Variants in BCAS3 observed in about 807,000 individuals in gnomAD.
The protein encoded by BCAS3 is BCAS4/BCAS3 fusion.
A neutral mutation model predicts 116.1 loss-of-function variants in BCAS3; 53 were observed. The observed-to-expected ratio is 0.46, with a 90% CI of 0.37 to 0.57. The LOEUF is 0.57. Among genes scored for constraint, BCAS3 ranks in the 20% least tolerant of loss-of-function variants. BCAS3 has a pLI of 0.00. For synonymous variants in BCAS3, 391 were observed against 408.2 expected (o/e 0.96, Z 0.51); for missense variants, 917 against 1,165.4 (o/e 0.79, Z 3.10).
intron 22 of BCAS3, among the ~76,000 whole-genome samples, chr17:61,119,097 G>T (rs1229511118): frequency 6.6e-6 from 1 of 152,156 alleles, no homozygotes; most frequent in Non-Finnish European, 1.5e-5. Flanking sequence ...CTTTGTGCTT[G>T]CAGGCTGTGG....
chr17:61,338,433 T>A (rs191771607), intron 22 of BCAS3, among the ~76,000 whole-genome samples: 152 of 146,104 alleles, frequency 1.0e-3, no homozygotes, highest in Non-Finnish European at 1.8e-3. Context: ...ATTGTGTGGG[T>A]TCTGTGAACT....
chr17:61,358,182 A>G (rs1201991007), intron 22 of BCAS3, among the ~76,000 whole-genome samples: 2 of 152,094 alleles, frequency 1.3e-5, no homozygotes, highest in Non-Finnish European at 2.9e-5. Context: ...CGTGGTTAAC[A>G]TTTTGTCGTG....
chr17:61,153,563 A>G (rs1371649826), intron 22 of BCAS3, among the ~76,000 whole-genome samples: 3 of 152,238 alleles, frequency 2.0e-5, no homozygotes, highest in Admixed American at 6.5e-5. Context: ...TTTGGAATTC[A>G]TAAGAGAAGT....
At chr17:60,929,514 T>C (rs967551299) in intron 13 of BCAS3, among the ~76,000 whole-genome samples, 8 of 152,164 alleles carry the variant, frequency 5.3e-5, no homozygotes, top group African/African-American at 9.6e-5. Context: ...CTTTTATTAA[T>C]TGACGTTTTA....
chr17:60,827,153 A>T (rs2050503936), intron 7 of BCAS3, among the ~76,000 whole-genome samples: 1 of 152,192 alleles, frequency 6.6e-6, no homozygotes, highest in African/African-American at 2.4e-5. Flanking sequence ...TCTTAGGCTC[A>T]CTTTCCTTAT....
chr17:61,064,112 T>A (rs1377293965), intron 19 of BCAS3, among the ~76,000 whole-genome samples: 1 of 152,126 alleles, frequency 6.6e-6, no homozygotes, highest in Admixed American at 6.5e-5. Flanking sequence ...TTTGAGAGGA[T>A]GGTTATAGTC....
At position 61,249,652 on chromosome 17, in the gene BCAS3, C is replaced by A. The variant is rs976335975; in HGVS notation, c.2426-118675C>A. Among the ~76,000 whole-genome samples the A allele has an allele frequency of 1.3e-5, 2 of 152,074 alleles. No homozygotes were observed. The highest frequency in any genetic ancestry group is 4.8e-5 in the African/African-American group (2 of 41,386). On this transcript the variant is annotated intron_variant, in intron 22 of 23. Coordinates refer to ENST00000407086, the MANE Select transcript of BCAS3 (RefSeq NM_017679.5). This position sits in a 1 kb window ranked among gnomAD's most constrained non-coding sequence, Gnocchi z 6.2. ...CCCTTAACTGATCTAAGGGAAAATT[C>A]TTTTTCTCGTGTTGTTTTAGGAAGC...
At chr17:61,389,998 C>G (rs1218069752) in intron 23 of BCAS3, 2 of 152,328 alleles carry the variant, frequency 1.3e-5, no homozygotes, top group Non-Finnish European at 2.9e-5. Flanking sequence ...TCCTGGTGGC[C>G]CTGCCTGCTC....
At chr17:60,955,340 T>C (rs1388233343) in intron 14 of BCAS3, among the ~76,000 whole-genome samples, 1 of 151,858 alleles carries the variant, frequency 6.6e-6, no homozygotes, top group East Asian at 1.9e-4. Context: ...TTGGTTTCAC[T>C]GATTGTCCCA....
At chr17:60,714,481 TG>T (rs1264079223) in intron 5 of BCAS3, among the ~76,000 whole-genome samples, 1 of 152,094 alleles carries the variant, frequency 6.6e-6, no homozygotes, top group African/African-American at 2.4e-5. Context: ...CTAGCCAACA[TG>T]GTGAAACTCC....
At chr17:61,190,863 A>G (rs1471427445) in intron 22 of BCAS3, among the ~76,000 whole-genome samples, 2 of 152,132 alleles carry the variant, frequency 1.3e-5, no homozygotes, top group African/African-American at 4.8e-5. Context: ...TCAGCCTCCC[A>G]AAGTGCTTGG....
intron 5 of BCAS3, among the ~76,000 whole-genome samples, chr17:60,725,587 G>T (rs746020950): frequency 6.6e-6 from 1 of 152,112 alleles, no homozygotes; most frequent in East Asian, 1.9e-4. Context: ...GTTCTCCAAG[G>T]GGCCATTTGG....
intron 6 of BCAS3, among the ~76,000 whole-genome samples, chr17:60,798,666 C>T (rs9901711): frequency 0.15 from 23,460 of 152,172 alleles, 2,470 homozygotes; most frequent in African/African-American, 0.3. Context: ...GGTTTTTGTG[C>T]GGACAAACGT....
In BCAS3 at chr17:61,243,126, G is replaced by A. The variant is rs1389818024; in HGVS notation, c.2426-125201G>A. On this transcript the variant is annotated intron_variant, in intron 22 of 23. Coordinates refer to ENST00000407086, the MANE Select transcript of BCAS3 (RefSeq NM_017679.5). This position sits in a 1 kb window ranked among gnomAD's most constrained non-coding sequence, Gnocchi z 5.6. ...GGGGTTTCACCATGTTGGCCAAGAT[G>A]GCCTCCATCTCCTGACCTCGTGATC... Among the ~76,000 whole-genome samples, 1 of 152,004 alleles carries A rather than the reference G, an allele frequency of 6.6e-6. No homozygotes were observed. Among genetic ancestry groups the A allele is most frequent in the Non-Finnish European group, 1.5e-5 (1 of 67,988 alleles).
chr17:60,679,333 C>A, intron 1 of BCAS3, 120 bp from the exon 2 acceptor site: 1 of 639,454 alleles, frequency 1.6e-6, no homozygotes. Context: ...GGGAAAGTTT[C>A]CTACATTTGA....
At chr17:60,936,087 C>T (rs1462057007) in intron 13 of BCAS3, among the ~76,000 whole-genome samples, 6 of 150,800 alleles carry the variant, frequency 4.0e-5, no homozygotes, top group Admixed American at 2.0e-4. Context: ...CAATTCCTAC[C>T]TATGAGTGAG....
At chr17:60,824,236 T>G (rs1357065714) in intron 7 of BCAS3, among the ~76,000 whole-genome samples, 1 of 152,202 alleles carries the variant, frequency 6.6e-6, no homozygotes, top group South Asian at 2.1e-4. Context: ...TAGGCATACA[T>G]GTATTTATAA....
rs939354772 is a variant in BCAS3 at position 61,023,499 on chromosome 17, C to T, written c.1637+7598C>T. 1.3e-5 allele frequency among the ~76,000 whole-genome samples: 2 copies of T among 152,242 alleles called. No homozygotes were observed. The highest frequency in any genetic ancestry group is 1.9e-4 in the East Asian group (1 of 5,186). On this transcript the variant is annotated intron_variant, in intron 16 of 23. Coordinates refer to ENST00000407086, the MANE Select transcript of BCAS3 (RefSeq NM_017679.5). This position sits in a 1 kb window ranked among gnomAD's most constrained non-coding sequence, Gnocchi z 4.8. The stretch of plus-strand genomic sequence containing the variant: ...CAGAATTGTTACTAATACCTTTTAG[C>T]ACTAGAGTCAGATTATAGAGGATTG...
rs1568283032 is a variant in BCAS3 at position 60,802,294 on chromosome 17, A to AT, written c.404-5710_404-5709insT. ...GTGAGACTCTGTCTCAAAAAAAAAAAAATATATATATATATATATATATGC... is the reference window on the plus strand; with the variant it reads ...GTGAGACTCTGTCTCAAAAAAAAAAATAATATATATATATATATATATATGC... On this transcript the variant is annotated intron_variant, in intron 6 of 23. Transcript: ENST00000407086. Among the ~76,000 whole-genome samples the AT allele has an allele frequency of 5.6e-3, 776 of 139,080 alleles. 4 individuals are homozygous for AT. The highest frequency in any genetic ancestry group is 0.016 in the African/African-American group (524 of 33,612). 91.2% of individuals were successfully genotyped at this position (139,080 alleles called of 152,430 possible).
Sources: allele counts gnomAD v4.1 joint callset (sites outside exome capture counted in the v4.1 genomes callset), GRCh38; gene constraint gnomAD v4.1.1; non-coding constraint Gnocchi (gnomAD v3.1); transcripts MANE v1.5; gene names NCBI Gene and HGNC (gene_info 2026-07-23, HGNC 2026-07-21).